KCNJ3: variants seen among roughly 807,000 people sequenced by gnomAD.
The protein encoded by KCNJ3 is potassium inwardly rectifying channel subfamily J member 3, also known as G protein-activated inward rectifier potassium channel 1.
In KCNJ3, 4 loss-of-function variants were observed where a neutral mutation model predicts 39.2. The ratio of observed to expected loss-of-function variants is 0.10; its 90% CI spans 0.05 to 0.23. The LOEUF (loss-of-function observed/expected upper bound fraction) is 0.23. Among genes scored for constraint, KCNJ3 ranks in the 10% least tolerant of loss-of-function variants. The pLI, the probability that KCNJ3 is intolerant of heterozygous loss-of-function variation, is 1.00. For missense variants in KCNJ3, 276 were observed against 634.9 expected (o/e 0.43, Z 6.08); for synonymous variants, 230 against 237.4 (o/e 0.97, Z 0.29).
intron 2 of KCNJ3, among the ~76,000 whole-genome samples, chr2:154,710,592 A>G (rs1478726672): frequency 2.0e-5 from 3 of 151,976 alleles, no homozygotes; most frequent in Non-Finnish European, 4.4e-5. Flanking sequence ...TTAATAATGT[A>G]GTTTCCATAT....
intron 2 of KCNJ3, among the ~76,000 whole-genome samples, chr2:154,734,377 A>C (rs893909729): frequency 9.9e-5 from 15 of 152,200 alleles, no homozygotes; most frequent in African/African-American, 3.6e-4. Context: ...ATCTAGGATG[A>C]TTCTCCATGG....
At chr2:154,782,275 A>T (rs1686451709) in intron 2 of KCNJ3, among the ~76,000 whole-genome samples, 1 of 152,096 alleles carries the variant, frequency 6.6e-6, no homozygotes. Flanking sequence ...ATGCATCAGG[A>T]TTTTTACTGT....
At chr2:154,744,732 A>C (rs1228125056) in intron 2 of KCNJ3, among the ~76,000 whole-genome samples, 3 of 151,742 alleles carry the variant, frequency 2.0e-5, no homozygotes, top group African/African-American at 7.3e-5. Flanking sequence ...AAGGTTTATC[A>C]ATTTTATGGA....
At chr2:154,713,039 G>A (rs1215141000) in intron 2 of KCNJ3, among the ~76,000 whole-genome samples, 2 of 152,022 alleles carry the variant, frequency 1.3e-5, no homozygotes, top group East Asian at 1.9e-4. Context: ...TTGTAGCAGA[G>A]TGAGCCATGT....
intron 2 of KCNJ3, among the ~76,000 whole-genome samples, chr2:154,852,387 T>C (rs2105141005): frequency 6.6e-6 from 1 of 152,162 alleles, no homozygotes; most frequent in Middle Eastern, 3.4e-3. Flanking sequence ...CAGAGTGAGA[T>C]CTCATCTCGA....
At chr2:154,726,867 G>A (rs1685369346) in intron 2 of KCNJ3, among the ~76,000 whole-genome samples, 1 of 143,334 alleles carries the variant, frequency 7.0e-6, no homozygotes, top group African/African-American at 2.7e-5. Context: ...GCCAAAATAA[G>A]GAATAAAATA....
At chr2:154,777,967 G>C (rs1447560184) in intron 2 of KCNJ3, among the ~76,000 whole-genome samples, 1 of 152,086 alleles carries the variant, frequency 6.6e-6, no homozygotes, top group Non-Finnish European at 1.5e-5. Context: ...TATAGTTTCT[G>C]TTTCCTGCTA....
rs949101777 is a variant in KCNJ3, at chr2:154,856,628, G to T, written c.*1315G>T. ...AGAAATTAAAATTAGATGATAAATT[G>T]AAGATATCTTACACACAGTTTTTTG... is the stretch of plus-strand genomic sequence containing the variant. On this transcript the variant is annotated 3_prime_UTR_variant, in exon 3 of 3. Coordinates refer to ENST00000295101, the MANE Select transcript of KCNJ3 (RefSeq NM_002239.4). The T allele has an allele frequency of 6.6e-6, 1 of 152,084 alleles. No individual in the cohort carries two copies. The highest frequency in any genetic ancestry group is 1.5e-5 in the Non-Finnish European group (1 of 67,998). 9.4% of individuals were successfully genotyped at this position (152,084 alleles called of 1,614,324 possible).
At chr2:154,822,964 A>G (rs1411786974) in intron 2 of KCNJ3, among the ~76,000 whole-genome samples, 2 of 151,486 alleles carry the variant, frequency 1.3e-5, no homozygotes, top group African/African-American at 2.4e-5. Flanking sequence ...TATTAATCAT[A>G]TGTAATTAAT....
intron 2 of KCNJ3, among the ~76,000 whole-genome samples, chr2:154,749,177 GA>G (rs1189032331): frequency 1.3e-5 from 2 of 152,056 alleles, no homozygotes; most frequent in Non-Finnish European, 2.9e-5. Flanking sequence ...TTATCATTTA[GA>G]AATTTAGCCA....
chr2:154,848,228 G>C (rs1687694035), intron 2 of KCNJ3, among the ~76,000 whole-genome samples: 1 of 152,044 alleles, frequency 6.6e-6, no homozygotes, highest in African/African-American at 2.4e-5. Context: ...CTTAGGTTTG[G>C]GAATCAGTAT....
intron 2 of KCNJ3, among the ~76,000 whole-genome samples, chr2:154,853,754 T>G (rs768423962): frequency 6.6e-5 from 10 of 152,238 alleles, no homozygotes; most frequent in Non-Finnish European, 1.0e-4. Context: ...TTGACTGATT[T>G]GATTGTAACA....
At chr2:154,747,638 C>A (rs1357440274) in intron 2 of KCNJ3, among the ~76,000 whole-genome samples, 1 of 151,822 alleles carries the variant, frequency 6.6e-6, no homozygotes, top group African/African-American at 2.4e-5. Context: ...CATTCCTATT[C>A]CAGAATAGAG....
At chr2:154,743,422 G>A (rs773046704) in intron 2 of KCNJ3, among the ~76,000 whole-genome samples, 1 of 151,680 alleles carries the variant, frequency 6.6e-6, no homozygotes, top group Non-Finnish European at 1.5e-5. Flanking sequence ...GATAGAATCT[G>A]TCAACAGTTT....
At chr2:154,702,066 C>A (rs973243175) in intron 1 of KCNJ3, among the ~76,000 whole-genome samples, 12 of 151,874 alleles carry the variant, frequency 7.9e-5, no homozygotes, top group African/African-American at 1.9e-4. Flanking sequence ...ATTAAGTGAC[C>A]TAAAACAGTC....
Position 154,855,417 on chromosome 2 carries a change from C to A in KCNJ3, c.*104C>A. ...GGAATCTGAAAGTATATTTTCCTCC[C>A]AGTTCTACAAGCATATTTGAGAACC... On this transcript the variant is annotated 3_prime_UTR_variant, in exon 3 of 3. Coordinates refer to ENST00000295101, the MANE Select transcript of KCNJ3 (RefSeq NM_002239.4). 1.2e-6 allele frequency: 1 copy of A among 801,928 alleles called. No homozygotes were observed. The highest frequency in any genetic ancestry group is 2.0e-6 in the Non-Finnish European group (1 of 512,292). The allele number at this position is 801,928 out of a possible 1,614,324, so 49.7% of individuals were successfully genotyped here. A position where few individuals can be genotyped will look rare whatever the true frequency, so the allele number is the denominator to read the frequency against.
chr2:154,801,677 G>A (rs569580129), intron 2 of KCNJ3, among the ~76,000 whole-genome samples: 1 of 151,352 alleles, frequency 6.6e-6, no homozygotes, highest in African/African-American at 2.4e-5. Flanking sequence ...CACCCAGGCT[G>A]GATTTCAGTG....
At chr2:154,725,440 G>A (rs746977169) in intron 2 of KCNJ3, among the ~76,000 whole-genome samples, 2 of 151,738 alleles carry the variant, frequency 1.3e-5, no homozygotes, top group African/African-American at 2.4e-5. Context: ...ACGTTTTCCA[G>A]TTCAGTGTGT....
intron 2 of KCNJ3, among the ~76,000 whole-genome samples, chr2:154,741,410 C>T (rs1398297702): frequency 6.7e-6 from 1 of 148,962 alleles, no homozygotes; most frequent in Admixed American, 6.7e-5. Flanking sequence ...TTTGATATGT[C>T]ATTTTATAGT....
Sources: gnomAD v4.1 joint callset for allele counts (sites outside exome capture counted in the v4.1 genomes callset) on GRCh38, gnomAD v4.1.1 for gene constraint, MANE v1.5 for transcripts, NCBI Gene and HGNC (gene_info 2026-07-23, HGNC 2026-07-21) for gene names.